The following ENTREP2 variants were observed in gnomAD, a reference collection of about 807,000 sequenced individuals.
The protein encoded by ENTREP2 is endosomal transmembrane epsin interactor 2, also known as protein ENTREP2.
the ENTREP2 span, among the ~76,000 whole-genome samples, chr15:29,343,254 T>TG: frequency 6.6e-6 from 1 of 152,192 alleles, no homozygotes; most frequent in Non-Finnish European, 1.5e-5. Context: ...GTCTAGATGT[T>TG]GCTGTGGCTG....
chr15:29,657,354 G>T, the ENTREP2 span, among the ~76,000 whole-genome samples: 1 of 146,940 alleles, frequency 6.8e-6, no homozygotes, highest in Non-Finnish European at 1.5e-5. Context: ...CTCAAAGACG[G>T]CAGTGTTACA....
chr15:29,371,349 A>AACACACACAC, the ENTREP2 span, among the ~76,000 whole-genome samples: 9,180 of 133,852 alleles, frequency 0.069, 363 homozygotes, highest in East Asian at 0.082. Flanking sequence ...CACCCCCGCA[A>AACACACACAC]ACACACACAC....
At chr15:29,364,240 G>A in the ENTREP2 span, among the ~76,000 whole-genome samples, 1 of 152,094 alleles carries the variant, frequency 6.6e-6, no homozygotes, top group Non-Finnish European at 1.5e-5. Context: ...ATGGAAAGAG[G>A]TTTTTTTGGT....
chr15:29,557,534 G>A, the ENTREP2 span, among the ~76,000 whole-genome samples: 7 of 152,230 alleles, frequency 4.6e-5, no homozygotes, highest in South Asian at 4.1e-4. Context: ...TCAAGAGACC[G>A]CTGCTGGAAC....
chr15:29,281,558 G>A, the ENTREP2 span, among the ~76,000 whole-genome samples: 1 of 152,220 alleles, frequency 6.6e-6, no homozygotes, highest in Non-Finnish European at 1.5e-5. Flanking sequence ...ACTGAGTAGA[G>A]CTAAGCCACC....
At chr15:29,196,506 C>T in the ENTREP2 span, 1 of 1,551,690 alleles carries the variant, frequency 6.4e-7, no homozygotes, top group Non-Finnish European at 8.7e-7. Context: ...GTTGCTGCAG[C>T]CGGACGACTG....
the ENTREP2 span, chr15:29,126,341 G>A: frequency 6.5e-7 from 1 of 1,534,292 alleles, no homozygotes; most frequent in South Asian, 1.2e-5. Flanking sequence ...CTGCACCTGT[G>A]AGCCCATGCC....
chr15:29,256,536 C>A, the ENTREP2 span, among the ~76,000 whole-genome samples: 2 of 152,152 alleles, frequency 1.3e-5, no homozygotes, highest in Non-Finnish European at 2.9e-5. Flanking sequence ...AAAAAAATGA[C>A]TGAAAATAGT....
chr15:29,318,955 A>G, the ENTREP2 span, among the ~76,000 whole-genome samples: 2 of 152,210 alleles, frequency 1.3e-5, no homozygotes, highest in South Asian at 4.1e-4. Context: ...GTTACCAAAG[A>G]GAAGCCAATT....
the ENTREP2 span, among the ~76,000 whole-genome samples, chr15:29,511,393 A>C: frequency 6.9e-6 from 1 of 144,494 alleles, no homozygotes; most frequent in African/African-American, 2.6e-5. Context: ...CAGTGGCGTG[A>C]TCTTAGCTCA....
the ENTREP2 span, among the ~76,000 whole-genome samples, chr15:29,489,209 G>C: frequency 0.032 from 4,918 of 152,264 alleles, 260 homozygotes; most frequent in African/African-American, 0.11. Context: ...AGCAGAAGCA[G>C]CATGGATTAC....
chr15:29,591,663 C>T, the ENTREP2 span, among the ~76,000 whole-genome samples: 1 of 151,838 alleles, frequency 6.6e-6, no homozygotes, highest in African/African-American at 2.4e-5. Context: ...AGAGGGAGAC[C>T]CCATCTCTGC....
chr15:29,223,092 G>T, the ENTREP2 span, among the ~76,000 whole-genome samples: 1 of 152,208 alleles, frequency 6.6e-6, no homozygotes. Context: ...AAACAAAGAA[G>T]CTGGGCAGGG....
At chr15:29,409,940 C>T in the ENTREP2 span, among the ~76,000 whole-genome samples, 2 of 152,208 alleles carry the variant, frequency 1.3e-5, no homozygotes, top group South Asian at 4.1e-4. Flanking sequence ...CCCCCGATAC[C>T]TGAGCATATC....
the ENTREP2 span, among the ~76,000 whole-genome samples, chr15:29,250,079 A>G: frequency 6.6e-6 from 1 of 152,162 alleles, no homozygotes; most frequent in Non-Finnish European, 1.5e-5. Flanking sequence ...TCGGGATTGC[A>G]ACTGAACATG....
the ENTREP2 span, among the ~76,000 whole-genome samples, chr15:29,655,428 T>C: frequency 2.0e-5 from 3 of 152,344 alleles, no homozygotes; most frequent in Non-Finnish European, 4.4e-5. Flanking sequence ...CATCTCTATG[T>C]AAAACGCCGT....
the ENTREP2 span, among the ~76,000 whole-genome samples, chr15:29,322,881 C>T: frequency 2.6e-5 from 4 of 152,128 alleles, no homozygotes; most frequent in Admixed American, 1.3e-4. Context: ...TCCTTTTTCC[C>T]GGATGCATCC....
At chr15:29,255,096 G>A in the ENTREP2 span, among the ~76,000 whole-genome samples, 1 of 152,110 alleles carries the variant, frequency 6.6e-6, no homozygotes, top group Admixed American at 6.5e-5. Flanking sequence ...CTTTCTGTAT[G>A]AGAAGATAGT....
chr15:29,577,313 G>GGTGT, the ENTREP2 span, among the ~76,000 whole-genome samples: 16,334 of 139,668 alleles, frequency 0.12, 1,006 homozygotes, highest in Admixed American at 0.15. Context: ...GACTCAAAGA[G>GGTGT]GTGTGTGTGT....
Sources: gnomAD v4.1 joint callset for allele counts (sites outside exome capture counted in the v4.1 genomes callset) on GRCh38, gnomAD v4.1.1 for gene constraint, MANE v1.5 for transcripts, NCBI Gene and HGNC (gene_info 2026-07-23, HGNC 2026-07-21) for gene names.